The following APBB2 variants were observed in gnomAD, a reference collection of about 807,000 sequenced individuals.
The protein encoded by APBB2 is amyloid beta precursor protein binding family B member 2, also known as Fe65-like 1.
A neutral mutation model predicts 82.5 loss-of-function variants in APBB2; 38 were observed. The ratio of observed to expected loss-of-function variants is 0.46; its 90% CI spans 0.36 to 0.60. The LOEUF (loss-of-function observed/expected upper bound fraction) is 0.60, where lower values mean the gene tolerates loss of function less well. APBB2 is among the 20% of genes least tolerant of loss of function. The pLI is 0.00. For missense variants in APBB2, 772 were observed against 972.3 expected (o/e 0.79, Z 2.74); for synonymous variants, 341 against 368.2 (o/e 0.93, Z 0.85).
At chr4:41,093,257 C>T (rs995926622) in intron 3 of APBB2, among the ~76,000 whole-genome samples, 14 of 152,182 alleles carry the variant, frequency 9.2e-5, no homozygotes, top group Admixed American at 2.6e-4. Context: ...AAACTACCTC[C>T]TTAGGGCTCA....
intron 4 of APBB2, among the ~76,000 whole-genome samples, chr4:41,062,352 T>G (rs926778738): frequency 6.6e-6 from 1 of 151,828 alleles, no homozygotes; most frequent in Non-Finnish European, 1.5e-5. Context: ...TTTGTATTTT[T>G]TTTTTTAGTA....
chr4:41,169,226 G>T (rs984313047), intron 1 of APBB2, among the ~76,000 whole-genome samples: 1 of 150,516 alleles, frequency 6.6e-6, no homozygotes, highest in African/African-American at 2.4e-5. Context: ...AGAGAGGAAG[G>T]AAAGGTAAGG....
chr4:41,071,087 T>A (rs1465773873), intron 3 of APBB2, among the ~76,000 whole-genome samples: 2 of 152,218 alleles, frequency 1.3e-5, no homozygotes, highest in African/African-American at 2.4e-5. Context: ...ATGCCAAGAA[T>A]TCTCTCCAAA....
At chr4:41,049,334 G>GTGGGGGGTC (rs1724882238) in intron 4 of APBB2, among the ~76,000 whole-genome samples, 1 of 93,940 alleles carries the variant, frequency 1.1e-5, no homozygotes, top group African/African-American at 4.0e-5. Flanking sequence ...GAGAAGTGAG[G>GTGGGGGGTC]AGCGTCTCCG....
At chr4:41,092,688 CAA>C (rs77137726) in intron 3 of APBB2, among the ~76,000 whole-genome samples, 16 of 93,838 alleles carry the variant, frequency 1.7e-4, no homozygotes, top group Admixed American at 3.7e-4. Flanking sequence ...GACTCCGTCT[CAA>C]AAAAAAAAAA....
intron 3 of APBB2, among the ~76,000 whole-genome samples, chr4:41,070,238 A>G (rs1468961347): frequency 1.3e-5 from 2 of 152,150 alleles, no homozygotes; most frequent in Admixed American, 1.3e-4. Flanking sequence ...TCTATTACTC[A>G]CAATTTTACT....
intron 12 of APBB2, among the ~76,000 whole-genome samples, chr4:40,846,326 C>CAAAAAAAAAAAAAAAAAAA (rs3086182): frequency 1.6e-5 from 1 of 62,514 alleles, no homozygotes. Flanking sequence ...GAAAACACTC[C>CAAAAAAAAAAAAAAAAAAA]AAAAAAAAAA....
intron 1 of APBB2, among the ~76,000 whole-genome samples, chr4:41,209,709 C>T (rs1355065316): frequency 6.6e-6 from 1 of 152,234 alleles, no homozygotes; most frequent in Non-Finnish European, 1.5e-5. Context: ...GTCGAATACA[C>T]TTTACCCAAA....
intron 1 of APBB2, among the ~76,000 whole-genome samples, chr4:41,210,301 G>A (rs376839564): frequency 6.6e-6 from 1 of 152,180 alleles, no homozygotes; most frequent in East Asian, 1.9e-4. Context: ...CAACCAGAGG[G>A]TGACTGCAGC....
At chr4:41,024,924 T>G (rs1272423984) in intron 5 of APBB2, among the ~76,000 whole-genome samples, 1 of 152,202 alleles carries the variant, frequency 6.6e-6, no homozygotes, top group Non-Finnish European at 1.5e-5. Flanking sequence ...CTGTCACAAT[T>G]TAATTAACTC....
At chr4:40,975,113 A>G (rs1796826453) in intron 6 of APBB2, among the ~76,000 whole-genome samples, 1 of 152,044 alleles carries the variant, frequency 6.6e-6, no homozygotes, top group Admixed American at 6.6e-5. Flanking sequence ...ATCACTCCCT[A>G]ATACCAGAGG....
At chr4:41,173,812 C>T (rs756832643) in intron 1 of APBB2, among the ~76,000 whole-genome samples, 1 of 152,008 alleles carries the variant, frequency 6.6e-6, no homozygotes, top group Non-Finnish European at 1.5e-5. Context: ...CACTCTACAA[C>T]GTTCGCACAA....
At chr4:40,912,950 T>C (rs62410315) in intron 10 of APBB2, among the ~76,000 whole-genome samples, 39,221 of 152,180 alleles carry the variant, frequency 0.26, 6,058 homozygotes, top group East Asian at 0.55. Flanking sequence ...TTGGAAAAGA[T>C]TGGAAAGCAA....
intron 17 of APBB2, 90 bp downstream of exon 17, chr4:40,821,781 C>A: frequency 6.8e-7 from 1 of 1,463,502 alleles, no homozygotes; most frequent in Non-Finnish European, 9.2e-7. Context: ...CGACTTTTTT[C>A]ATTTCCGTGA....
chr4:40,845,572 T>C lies in APBB2; in HGVS notation c.1530-14995A>G, dbSNP rs956071828. On this transcript the variant is annotated intron_variant, in intron 12 of 17. Transcript: ENST00000508593. ...CTGGCATGTGTAACTGGAATCCAAA[T>C]GAAAAGGAAATTCCTCAAAAAAAAA... Among the ~76,000 whole-genome samples, 4 of 36,542 alleles carry C rather than the reference T, an allele frequency of 1.1e-4. No homozygotes were observed. In the Admixed American group the frequency reaches 1.9e-3, roughly 17 times the overall value. The allele number at this position is 36,542 out of a possible 152,430, so 24.0% of individuals were successfully genotyped here.
At chr4:41,119,522 TAAAAAAAA>T (rs35952366) in intron 2 of APBB2, among the ~76,000 whole-genome samples, 7 of 118,058 alleles carry the variant, frequency 5.9e-5, no homozygotes, top group African/African-American at 1.9e-4. Flanking sequence ...GAAGTTCCAT[TAAAAAAAA>T]AAAAAAAAAA....
chr4:40,865,250 T>A (rs1763771775), intron 12 of APBB2, among the ~76,000 whole-genome samples: 1 of 152,148 alleles, frequency 6.6e-6, no homozygotes, highest in Non-Finnish European at 1.5e-5. Flanking sequence ...GGGTACTGCA[T>A]GCACAGGGAC....
chr4:40,851,102 C>CA (rs1298229960), intron 12 of APBB2, among the ~76,000 whole-genome samples: 17 of 151,530 alleles, frequency 1.1e-4, no homozygotes, highest in African/African-American at 2.4e-4. Context: ...GCAAGGCTGT[C>CA]AAAAAAAACA....
intron 12 of APBB2, among the ~76,000 whole-genome samples, chr4:40,852,938 C>G (rs1301602914): frequency 6.6e-6 from 1 of 152,192 alleles, no homozygotes; most frequent in Non-Finnish European, 1.5e-5. Context: ...GCCACCGTGT[C>G]TGGCTTAAAT....
Sources: gnomAD v4.1 joint callset for allele counts (sites outside exome capture counted in the v4.1 genomes callset) on GRCh38, gnomAD v4.1.1 for gene constraint, MANE v1.5 for transcripts, NCBI Gene and HGNC (gene_info 2026-07-23, HGNC 2026-07-21) for gene names.